DIAPH2: variants seen among roughly 807,000 people sequenced by gnomAD.
DIAPH2 encodes diaphanous related formin 2.
In DIAPH2, 35 loss-of-function variants were observed where a neutral mutation model predicts 92.7. That is an observed-to-expected ratio of 0.38 (90% CI 0.29 to 0.50). DIAPH2 has a LOEUF of 0.50. DIAPH2 is among the 20% of genes least tolerant of loss of function. DIAPH2 has a pLI of 0.94. For missense variants in DIAPH2, 701 were observed against 819.5 expected (o/e 0.86, Z 1.77); for synonymous variants, 301 against 280.4 (o/e 1.07, Z -0.73).
intron 23 of DIAPH2, among the ~76,000 whole-genome samples, chrX:97,330,085 TTGTGTGTG>T (rs367920689): frequency 8.4e-5 from 8 of 94,883 alleles, no homozygotes; most frequent in East Asian, 3.5e-4. Context: ...GATTTGGTGT[TTGTGTGTG>T]TGTGTGTGTG....
chrX:97,590,394 T>G (rs1304300560), intron 26 of DIAPH2, among the ~76,000 whole-genome samples: 1 of 111,873 alleles, frequency 8.9e-6, no homozygotes, highest in East Asian at 2.8e-4. Context: ...ATACATGGTC[T>G]TAGAGTGATT....
chrX:97,202,982 A>G (rs1404154568), intron 22 of DIAPH2, among the ~76,000 whole-genome samples: 1 of 112,410 alleles, frequency 8.9e-6, no homozygotes, highest in Non-Finnish European at 1.9e-5. Context: ...CTCAGACCAC[A>G]GTGCAATCAA....
In DIAPH2 at chrX:96,945,620, G is replaced by A. The variant is rs20369; in HGVS notation, c.1509+29G>A. 3,500 of 1,022,580 alleles carry A rather than the reference G, an allele frequency of 3.4e-3. 93 individuals carry two copies. The African/African-American group carries it at 0.063, about 18-fold the overall frequency. 84.3% of individuals were successfully genotyped at this position (1,022,580 alleles called of 1,213,427 possible). A position where few individuals can be genotyped will look rare whatever the true frequency, so the allele number is the denominator to read the frequency against. ...AGCTTATAAAATATTAGCCATAATC[G>A]TTAGGTTAATAATTTAATCACAGTA... On this transcript the variant is annotated intron_variant, in intron 14 of 26. Transcript: ENST00000324765.
At chrX:96,819,721 G>A (rs761442305) in intron 4 of DIAPH2, among the ~76,000 whole-genome samples, 6 of 112,338 alleles carry the variant, frequency 5.3e-5, no homozygotes, top group Non-Finnish European at 7.5e-5. Context: ...AGAAGTAGAC[G>A]AGACTAAGCA....
intron 5 of DIAPH2, among the ~76,000 whole-genome samples, chrX:96,902,823 G>A (rs1178630025): frequency 9.0e-6 from 1 of 111,492 alleles, no homozygotes; most frequent in Non-Finnish European, 1.9e-5. Flanking sequence ...AAAGACTAAA[G>A]CAGTACCTGT....
At chrX:97,189,034 C>A (rs2067629650) in intron 22 of DIAPH2, among the ~76,000 whole-genome samples, 1 of 111,727 alleles carries the variant, frequency 9.0e-6, no homozygotes, top group East Asian at 2.8e-4. Flanking sequence ...AGGTAAATAA[C>A]AGCCAGAGAA....
intron 19 of DIAPH2, among the ~76,000 whole-genome samples, chrX:97,080,310 C>G (rs903295974): frequency 1.7e-4 from 18 of 106,324 alleles, no homozygotes; most frequent in African/African-American, 5.5e-4. Context: ...TAAGTAAATT[C>G]TTTCTTTGAT....
intron 25 of DIAPH2, among the ~76,000 whole-genome samples, chrX:97,415,713 G>A (rs1025398398): frequency 2.8e-5 from 3 of 107,272 alleles, no homozygotes; most frequent in African/African-American, 6.8e-5. Flanking sequence ...TGGGGTGGGG[G>A]GCAGGGGGAG....
At chrX:96,821,454 G>T (rs891373690) in intron 4 of DIAPH2, among the ~76,000 whole-genome samples, 2 of 111,807 alleles carry the variant, frequency 1.8e-5, no homozygotes, top group African/African-American at 6.5e-5. Flanking sequence ...TCAGCCAAGG[G>T]GTTGGGAAGC....
At chrX:97,561,512 G>A (rs1381519221) in intron 26 of DIAPH2, among the ~76,000 whole-genome samples, 1 of 112,369 alleles carries the variant, frequency 8.9e-6, no homozygotes, top group Non-Finnish European at 1.9e-5. Flanking sequence ...TTTGTTGACT[G>A]TCTCTCTTTT....
At chrX:97,111,170 C>T (rs368091940) in intron 20 of DIAPH2, among the ~76,000 whole-genome samples, 26 of 112,094 alleles carry the variant, frequency 2.3e-4, no homozygotes, top group East Asian at 2.0e-3. Flanking sequence ...AGAAAGTAAA[C>T]GTATGGATCA....
intron 22 of DIAPH2, among the ~76,000 whole-genome samples, chrX:97,231,028 G>C (rs1874247627): frequency 8.9e-6 from 1 of 112,540 alleles, no homozygotes; most frequent in Admixed American, 9.4e-5. Flanking sequence ...TTACTGTGCT[G>C]TCTCACATTT....
chrX:97,599,114 A>C, intron 26 of DIAPH2, 139 bp from the exon 27 acceptor site: 2 of 351,404 alleles, frequency 5.7e-6, no homozygotes, highest in South Asian at 4.2e-5. Context: ...CTCAGATCTG[A>C]GTTCCTTGTT....
chrX:96,798,563 A>G (rs974025319), intron 4 of DIAPH2, among the ~76,000 whole-genome samples: 3 of 110,754 alleles, frequency 2.7e-5, no homozygotes, highest in South Asian at 7.7e-4. Context: ...TGCTATTCCC[A>G]TCATCTCTGT....
intron 22 of DIAPH2, among the ~76,000 whole-genome samples, chrX:97,204,260 C>T (rs952179131): frequency 1.8e-5 from 2 of 111,819 alleles, no homozygotes; most frequent in African/African-American, 6.5e-5. Context: ...TGAAAACCTG[C>T]ACAAGACAAG....
At chrX:96,952,046 G>A (rs577439297) in intron 15 of DIAPH2, among the ~76,000 whole-genome samples, 2 of 111,691 alleles carry the variant, frequency 1.8e-5, no homozygotes, top group South Asian at 3.7e-4. Flanking sequence ...CACAAAATTT[G>A]TAGGATAAAT....
intron 4 of DIAPH2, among the ~76,000 whole-genome samples, chrX:96,877,725 G>T (rs1008245983): frequency 3.6e-5 from 4 of 112,092 alleles, no homozygotes; most frequent in Non-Finnish European, 5.6e-5. Context: ...CTCTGCTGTT[G>T]ATTTTAACAT....
chrX:96,940,215 GTATT>G lies in DIAPH2; in HGVS notation c.1325+837_1325+840del, dbSNP rs780014828. 1.3e-4 allele frequency among the ~76,000 whole-genome samples: 14 copies of G among 111,572 alleles called. No individual in the cohort carries two copies. The Admixed American group carries it at 1.3e-3, about 11-fold the overall frequency. ...TTTTACTGTTATTTCTCTTTTTACA[GTATT>G]TATCTACTAATAAATGTGATCTTAA... On this transcript the variant is annotated intron_variant, in intron 12 of 26. Transcript: ENST00000324765.
At chrX:97,234,401 G>A (rs1406755923) in intron 22 of DIAPH2, among the ~76,000 whole-genome samples, 1 of 106,206 alleles carries the variant, frequency 9.4e-6, no homozygotes, top group African/African-American at 3.4e-5. Context: ...ATCCACTTTT[G>A]TTTTCTCTCT....
Sources: allele counts gnomAD v4.1 joint callset (sites outside exome capture counted in the v4.1 genomes callset), GRCh38; gene constraint gnomAD v4.1.1; transcripts MANE v1.5; gene names NCBI Gene and HGNC (gene_info 2026-07-23, HGNC 2026-07-21).